Variants in PRKG1 observed in about 807,000 individuals in gnomAD.
PRKG1 encodes cGMP-dependent protein kinase 1.
A neutral mutation model predicts 88.1 loss-of-function variants in PRKG1; 35 were observed. The ratio of observed to expected loss-of-function variants is 0.40; its 90% CI spans 0.30 to 0.53. PRKG1 has a LOEUF of 0.53. Among genes scored for constraint, PRKG1 ranks in the 20% least tolerant of loss-of-function variants. The pLI is 0.59. For missense variants in PRKG1, 540 were observed against 839.8 expected, an observed-to-expected ratio of 0.64 and a Z score of 4.41; for synonymous variants, 303 against 292.5, an observed-to-expected ratio of 1.04 and a Z score of -0.37.
At chr10:52,095,447 A>G (rs1048718274) in intron 7 of PRKG1, among the ~76,000 whole-genome samples, 1 of 151,968 alleles carries the variant, frequency 6.6e-6, no homozygotes, top group African/African-American at 2.4e-5. Flanking sequence ...TATTTATTTT[A>G]GTTGTTCATT....
chr10:52,146,800 A>T (rs1482727957), intron 8 of PRKG1, among the ~76,000 whole-genome samples: 3 of 152,180 alleles, frequency 2.0e-5, no homozygotes, highest in African/African-American at 7.2e-5. Flanking sequence ...GCAGTATTAG[A>T]ATTACTGATT....
At chr10:51,625,828 C>G (rs990119846) in intron 3 of PRKG1, among the ~76,000 whole-genome samples, 1 of 152,000 alleles carries the variant, frequency 6.6e-6, no homozygotes, top group Non-Finnish European at 1.5e-5. Context: ...GAGTCACAGT[C>G]AATGAAAAGA....
chr10:51,966,595 G>A (rs1021546277), intron 5 of PRKG1, among the ~76,000 whole-genome samples: 1 of 152,140 alleles, frequency 6.6e-6, no homozygotes, highest in East Asian at 1.9e-4. Flanking sequence ...AGGAAGGGCT[G>A]ACTTTGCTTA....
chr10:51,204,143 A>T (rs1837983363), intron 2 of PRKG1, among the ~76,000 whole-genome samples: 1 of 152,030 alleles, frequency 6.6e-6, no homozygotes, highest in South Asian at 2.1e-4. Context: ...TTTATAAAGG[A>T]TTGTATTATT....
At chr10:52,047,964 T>A (rs1022743489) in intron 5 of PRKG1, among the ~76,000 whole-genome samples, 1 of 152,128 alleles carries the variant, frequency 6.6e-6, no homozygotes, top group Non-Finnish European at 1.5e-5. Context: ...TTTCAAACAT[T>A]TATTAGTCAT....
At chr10:51,247,565 GT>G (rs1224488975) in intron 2 of PRKG1, among the ~76,000 whole-genome samples, 4 of 151,850 alleles carry the variant, frequency 2.6e-5, no homozygotes, top group South Asian at 2.1e-4. Flanking sequence ...AACAAAAATT[GT>G]TTGCCTTTTC....
intron 2 of PRKG1, among the ~76,000 whole-genome samples, chr10:51,272,593 A>C (rs2132180230): frequency 6.6e-6 from 1 of 152,188 alleles, no homozygotes; most frequent in East Asian, 1.9e-4. Flanking sequence ...AAATTAGTAG[A>C]AAGGGAGGAT....
chr10:52,196,233 G>T (rs1202333368), intron 9 of PRKG1, among the ~76,000 whole-genome samples: 2 of 152,016 alleles, frequency 1.3e-5, no homozygotes, highest in East Asian at 1.9e-4. Context: ...AGCCAGGATG[G>T]TCTCGATCTC....
intron 1 of PRKG1, among the ~76,000 whole-genome samples, chr10:51,101,061 T>G (rs1334175061): frequency 6.6e-6 from 1 of 152,022 alleles, no homozygotes; most frequent in Non-Finnish European, 1.5e-5. Flanking sequence ...AAGTTGGAAA[T>G]TTTTTTTCCT....
chr10:52,076,377 C>T (rs553198864), intron 7 of PRKG1, among the ~76,000 whole-genome samples: 16 of 152,226 alleles, frequency 1.1e-4, no homozygotes, highest in Middle Eastern at 3.4e-3. Context: ...GCCAACATGG[C>T]GAAACCCTGT....
intron 3 of PRKG1, among the ~76,000 whole-genome samples, chr10:51,663,491 G>T (rs984439394): frequency 2.0e-5 from 3 of 151,772 alleles, no homozygotes; most frequent in Non-Finnish European, 4.4e-5. Flanking sequence ...TCTTGCTTCA[G>T]GTCAGTAGTT....
intron 9 of PRKG1, among the ~76,000 whole-genome samples, chr10:52,184,077 A>G (rs1839120514): frequency 6.6e-6 from 1 of 152,118 alleles, no homozygotes; most frequent in South Asian, 2.1e-4. Flanking sequence ...ATTCCCTTTG[A>G]CACTCCAATG....
chr10:51,197,125 A>C (rs1195002255), intron 2 of PRKG1, among the ~76,000 whole-genome samples: 1 of 152,126 alleles, frequency 6.6e-6, no homozygotes, highest in East Asian at 1.9e-4. Context: ...CATTTATAAA[A>C]ATTATTAACA....
chr10:51,772,182 G>A (rs1376479255), intron 3 of PRKG1, among the ~76,000 whole-genome samples: 2 of 152,108 alleles, frequency 1.3e-5, no homozygotes. Context: ...TATGTAAATT[G>A]ACTCAAGCTT....
intron 3 of PRKG1, chr10:51,697,538 A>C (rs1841329545): frequency 2.7e-6 from 2 of 734,400 alleles, no homozygotes; most frequent in Admixed American, 6.1e-5. Context: ...TAAAAAAAAA[A>C]GGAAAACAGA....
At chr10:51,348,982 G>A (rs561570747) in intron 2 of PRKG1, among the ~76,000 whole-genome samples, 4 of 152,198 alleles carry the variant, frequency 2.6e-5, no homozygotes, top group Admixed American at 2.0e-4. Flanking sequence ...CTCACTTGGC[G>A]GCATTCATAC....
At chr10:51,624,058 T>C (rs1004152180) in intron 3 of PRKG1, among the ~76,000 whole-genome samples, 7 of 152,130 alleles carry the variant, frequency 4.6e-5, no homozygotes, top group Non-Finnish European at 8.8e-5. Context: ...TTTTTCCCAA[T>C]CCAGCATGAA....
At chr10:51,959,636 G>A (rs144895753) in intron 5 of PRKG1, among the ~76,000 whole-genome samples, 4 of 152,160 alleles carry the variant, frequency 2.6e-5, no homozygotes, top group African/African-American at 9.6e-5. Context: ...GTTTGAATTA[G>A]GGCAGGAGTC....
At chr10:51,115,410 C>G (rs1427839364) in intron 1 of PRKG1, among the ~76,000 whole-genome samples, 3 of 111,992 alleles carry the variant, frequency 2.7e-5, no homozygotes, top group Non-Finnish European at 5.5e-5. Flanking sequence ...GGGGGAGAGA[C>G]AGAGAGAGAG....
Sources: allele counts gnomAD v4.1 joint callset (sites outside exome capture counted in the v4.1 genomes callset), GRCh38; gene constraint gnomAD v4.1.1; transcripts MANE v1.5; gene names NCBI Gene and HGNC (gene_info 2026-07-23, HGNC 2026-07-21).